Variants in RGS6 observed in about 807,000 individuals in gnomAD.
RGS6 encodes regulator of G protein signaling 6.
RGS6 carries 30 observed loss-of-function variants against 78.5 expected under a neutral mutation model. The ratio of observed to expected loss-of-function variants is 0.38; its 90% CI spans 0.29 to 0.52. The LOEUF is 0.52. Ranked by LOEUF, RGS6 falls within the 20% of genes least tolerant of loss-of-function variation. The pLI, the probability that RGS6 is intolerant of heterozygous loss-of-function variation, is 0.85. For synonymous variants in RGS6, 206 were observed against 206.0 expected (o/e 1.00, Z 0.00); for missense variants, 495 against 609.7 (o/e 0.81, Z 1.98).
intron 15 of RGS6, among the ~76,000 whole-genome samples, chr14:72,519,885 C>T (rs1047198850): frequency 2.0e-5 from 3 of 152,270 alleles, no homozygotes; most frequent in Middle Eastern, 3.4e-3. Flanking sequence ...TGGTCAAAAC[C>T]TTGATGCATC....
At chr14:72,082,659 T>A (rs992639145) in intron 2 of RGS6, among the ~76,000 whole-genome samples, 3 of 152,060 alleles carry the variant, frequency 2.0e-5, no homozygotes, top group African/African-American at 7.2e-5. Flanking sequence ...TTATTATATG[T>A]CAATTATAAA....
At chr14:72,255,122 G>C (rs992069176) in intron 2 of RGS6, among the ~76,000 whole-genome samples, 1 of 152,298 alleles carries the variant, frequency 6.6e-6, no homozygotes, top group Admixed American at 6.5e-5. Flanking sequence ...TAGGGAAGCA[G>C]CTTTATTGTC....
intron 3 of RGS6, among the ~76,000 whole-genome samples, chr14:72,407,682 G>A (rs1480357366): frequency 1.3e-5 from 2 of 152,258 alleles, no homozygotes; most frequent in Non-Finnish European, 2.9e-5. Flanking sequence ...CTGACCTTGT[G>A]TGAAACACAG....
intron 3 of RGS6, among the ~76,000 whole-genome samples, chr14:72,406,659 A>G (rs1281101535): frequency 6.6e-6 from 1 of 152,158 alleles, no homozygotes; most frequent in African/African-American, 2.4e-5. Flanking sequence ...CTGGAGTGCA[A>G]TTTTGTGTTT....
chr14:72,251,680 G>A (rs1156765798), intron 2 of RGS6, among the ~76,000 whole-genome samples: 2 of 152,082 alleles, frequency 1.3e-5, no homozygotes, highest in Non-Finnish European at 2.9e-5. Context: ...ACATAAAGAT[G>A]GGAACAATCG....
chr14:72,265,013 C>T (rs72721862), intron 2 of RGS6, among the ~76,000 whole-genome samples: 4,183 of 152,164 alleles, frequency 0.027, 93 homozygotes, highest in South Asian at 0.056. Flanking sequence ...AAAGGATTTT[C>T]TGGTAAATCC....
intron 17 of RGS6, chr14:72,541,261 A>G: frequency 6.9e-7 from 1 of 1,455,808 alleles, no homozygotes. Flanking sequence ...CATCCTTTTA[A>G]GAAAAAGTCT....
Position 72,065,463 on chromosome 14 carries a change from T to TATTG in RGS6, c.84+100589_84+100592dup, listed in dbSNP as rs1202620973. ...ACAATCCCTTAAGTCTTAATATGAC[T>TATTG]ATTGGTTTAATATGGCAGAATTAGG... On this transcript the variant is annotated intron_variant, in intron 2 of 17. Transcript: ENST00000553525. Among the ~76,000 whole-genome samples the TATTG allele has an allele frequency of 2.0e-5, 3 of 152,214 alleles. No homozygotes were observed. In the East Asian group the frequency reaches 5.8e-4, roughly 29 times the overall value.
chr14:72,468,696 C>G (rs902116867), intron 7 of RGS6, among the ~76,000 whole-genome samples: 2 of 152,088 alleles, frequency 1.3e-5, no homozygotes, highest in Admixed American at 6.5e-5. Context: ...ATCTCGGGGT[C>G]TTTACCATGT....
intron 4 of RGS6, among the ~76,000 whole-genome samples, chr14:72,455,388 T>C (rs2095605378): frequency 6.6e-6 from 1 of 152,158 alleles, no homozygotes; most frequent in Non-Finnish European, 1.5e-5. Context: ...CCACAATGCT[T>C]TTTGAAGATT....
intron 2 of RGS6, among the ~76,000 whole-genome samples, chr14:72,041,349 C>A (rs185175737): frequency 6.6e-6 from 1 of 152,142 alleles, no homozygotes; most frequent in African/African-American, 2.4e-5. Context: ...TTGCTAATTT[C>A]TTTTTCAACA....
chr14:71,897,935 A>G, the RGS6 span, among the ~76,000 whole-genome samples: 3 of 151,960 alleles, frequency 2.0e-5, no homozygotes, highest in Non-Finnish European at 4.4e-5. Context: ...AGAGTACAAT[A>G]TAAAGGCTTT....
chr14:72,596,162 A>G, the RGS6 span, among the ~76,000 whole-genome samples: 1 of 152,210 alleles, frequency 6.6e-6, no homozygotes, highest in Non-Finnish European at 1.5e-5. Context: ...AGGTATCAGG[A>G]GGGCTGCATT....
intron 2 of RGS6, among the ~76,000 whole-genome samples, chr14:72,159,540 T>G (rs2096823924): frequency 6.6e-6 from 1 of 152,232 alleles, no homozygotes; most frequent in Non-Finnish European, 1.5e-5. Context: ...CTTGGCCATT[T>G]GATGCTAAAG....
intron 2 of RGS6, among the ~76,000 whole-genome samples, chr14:72,044,328 G>A (rs1398048761): frequency 1.3e-5 from 2 of 152,168 alleles, no homozygotes; most frequent in African/African-American, 4.8e-5. Context: ...GTCTATGAGG[G>A]TGTTTCTGGA....
the RGS6 span, among the ~76,000 whole-genome samples, chr14:71,893,800 A>G: frequency 6.6e-6 from 1 of 152,176 alleles, no homozygotes; most frequent in Non-Finnish European, 1.5e-5. Context: ...TTTAAGTCAA[A>G]AAGTGAACTA....
At chr14:72,145,913 T>C (rs1217145854) in intron 2 of RGS6, among the ~76,000 whole-genome samples, 2 of 152,192 alleles carry the variant, frequency 1.3e-5, no homozygotes, top group East Asian at 3.9e-4. Flanking sequence ...AAGGGAAGAT[T>C]AAAGGATTAA....
At chr14:72,544,187 C>A (rs1487060924) in intron 17 of RGS6, among the ~76,000 whole-genome samples, 1 of 152,222 alleles carries the variant, frequency 6.6e-6, no homozygotes, top group Non-Finnish European at 1.5e-5. Context: ...CAAGCCACAG[C>A]AGCAGCTCCC....
intron 3 of RGS6, among the ~76,000 whole-genome samples, chr14:72,433,186 C>G (rs1389221789): frequency 6.6e-6 from 1 of 152,160 alleles, no homozygotes; most frequent in African/African-American, 2.4e-5. Context: ...GATCACCTGT[C>G]CCCAGAAATT....
Sources: allele counts gnomAD v4.1 joint callset (sites outside exome capture counted in the v4.1 genomes callset), GRCh38; gene constraint gnomAD v4.1.1; transcripts MANE v1.5; gene names NCBI Gene and HGNC (gene_info 2026-07-23, HGNC 2026-07-21).